CMTM8: variants seen among roughly 807,000 people sequenced by gnomAD.
CMTM8 encodes CKLF-like MARVEL transmembrane domain-containing protein 8.
In CMTM8, 12 loss-of-function variants were observed where a neutral mutation model predicts 18.6. The ratio of observed to expected loss-of-function variants is 0.65; its 90% CI spans 0.41 to 1.05. The LOEUF (loss-of-function observed/expected upper bound fraction) is 1.05, where lower values mean the gene tolerates loss of function less well. Ranked by LOEUF, CMTM8 falls within the 50% of genes least tolerant of loss-of-function variation. The pLI is 0.00. For missense variants in CMTM8, 217 were observed against 227.2 expected (o/e 0.95, Z 0.29); for synonymous variants, 87 against 90.6 (o/e 0.96, Z 0.23).
intron 1 of CMTM8, among the ~76,000 whole-genome samples, chr3:32,318,324 G>T (rs896577937): frequency 2.6e-5 from 4 of 151,936 alleles, no homozygotes; most frequent in African/African-American, 9.7e-5. Context: ...TTTTAACCAG[G>T]TCAGTGTGTT....
intron 1 of CMTM8, among the ~76,000 whole-genome samples, chr3:32,265,758 A>T (rs1316818368): frequency 6.6e-6 from 1 of 150,748 alleles, no homozygotes. Flanking sequence ...GCAATAAAAA[A>T]TGATAAAGAG....
chr3:32,256,266 C>T (rs1702173562), intron 1 of CMTM8, among the ~76,000 whole-genome samples: 2 of 152,110 alleles, frequency 1.3e-5, no homozygotes, highest in South Asian at 4.2e-4. Flanking sequence ...ATAGGAGTCT[C>T]ACTTTGTTGC....
At chr3:32,287,971 T>A (rs1702712218) in intron 1 of CMTM8, among the ~76,000 whole-genome samples, 4 of 151,516 alleles carry the variant, frequency 2.6e-5, no homozygotes, top group South Asian at 4.2e-4. Flanking sequence ...TTTATGGCTT[T>A]AAAAAAAAAG....
intron 2 of CMTM8, among the ~76,000 whole-genome samples, chr3:32,362,960 C>A (rs1050689529): frequency 6.6e-6 from 1 of 152,184 alleles, no homozygotes; most frequent in Non-Finnish European, 1.5e-5. Context: ...CGGGCACAGT[C>A]AATTTCTAAA....
At chr3:32,254,710 C>T (rs143597012) in intron 1 of CMTM8, among the ~76,000 whole-genome samples, 2 of 151,534 alleles carry the variant, frequency 1.3e-5, no homozygotes, top group African/African-American at 4.8e-5. Context: ...AGCCAACTTT[C>T]TCTGGATTAA....
At chr3:32,327,579 C>T (rs896927373) in intron 1 of CMTM8, among the ~76,000 whole-genome samples, 4 of 152,186 alleles carry the variant, frequency 2.6e-5, no homozygotes, top group African/African-American at 7.2e-5. Flanking sequence ...TTCTCAGTTG[C>T]AAAATACCAG....
At chr3:32,314,253 A>G (rs1209076079) in intron 1 of CMTM8, among the ~76,000 whole-genome samples, 1 of 152,158 alleles carries the variant, frequency 6.6e-6, no homozygotes, top group Non-Finnish European at 1.5e-5. Context: ...TTCTGTGGTT[A>G]TTATGACATG....
chr3:32,276,955 A>G (rs1702530905), intron 1 of CMTM8, among the ~76,000 whole-genome samples: 1 of 151,822 alleles, frequency 6.6e-6, no homozygotes, highest in Non-Finnish European at 1.5e-5. Context: ...CGGCACAATC[A>G]TAGTGCCCTG....
chr3:32,352,186 CA>C (rs1696722873), intron 1 of CMTM8, among the ~76,000 whole-genome samples: 1 of 10,756 alleles, frequency 9.3e-5, no homozygotes, highest in Non-Finnish European at 2.6e-4. Context: ...AAAAAAAACA[CA>C]CACACACACA....
chr3:32,280,495 G>A (rs571135780), intron 1 of CMTM8, among the ~76,000 whole-genome samples: 3 of 152,086 alleles, frequency 2.0e-5, no homozygotes, highest in Non-Finnish European at 4.4e-5. Flanking sequence ...ACTGGTCATG[G>A]GCCACTTCTT....
chr3:32,367,440 T>A (rs1022686926), intron 2 of CMTM8, among the ~76,000 whole-genome samples: 11 of 152,062 alleles, frequency 7.2e-5, no homozygotes, highest in Non-Finnish European at 1.6e-4. Context: ...TGGGCCTGTT[T>A]TGGGGGACAC....
chr3:32,363,450 C>T (rs142599012), intron 2 of CMTM8, among the ~76,000 whole-genome samples: 116 of 152,278 alleles, frequency 7.6e-4, no homozygotes, highest in African/African-American at 2.7e-3. Flanking sequence ...ATTCTGTTAG[C>T]CTAAACGTGG....
intron 2 of CMTM8, among the ~76,000 whole-genome samples, chr3:32,366,189 G>A (rs756102591): frequency 2.6e-5 from 4 of 152,150 alleles, no homozygotes; most frequent in African/African-American, 4.8e-5. Context: ...TGTGGGGGGC[G>A]CACAGAGGGA....
At chr3:32,327,232 T>C (rs752030841) in intron 1 of CMTM8, among the ~76,000 whole-genome samples, 4 of 152,226 alleles carry the variant, frequency 2.6e-5, no homozygotes, top group Non-Finnish European at 5.9e-5. Flanking sequence ...TAGGATTGTA[T>C]GCATTCTCTT....
At chr3:32,286,648 C>A (rs1281231908) in intron 1 of CMTM8, among the ~76,000 whole-genome samples, 1 of 152,152 alleles carries the variant, frequency 6.6e-6, no homozygotes, top group East Asian at 1.9e-4. Flanking sequence ...CAGCTCTAGG[C>A]AGCTTGCTGT....
intron 1 of CMTM8, among the ~76,000 whole-genome samples, chr3:32,243,590 G>A (rs1311671632): frequency 2.0e-5 from 3 of 151,172 alleles, no homozygotes. Context: ...GTGTATCCTC[G>A]GACACATTTT....
intron 1 of CMTM8, among the ~76,000 whole-genome samples, chr3:32,326,900 T>A (rs796803506): frequency 3.3e-4 from 51 of 152,290 alleles, no homozygotes; most frequent in African/African-American, 1.1e-3. Flanking sequence ...AATGAATCTC[T>A]CAACATGTCT....
intron 2 of CMTM8, among the ~76,000 whole-genome samples, chr3:32,360,359 C>T (rs1212040990): frequency 2.0e-5 from 3 of 152,226 alleles, no homozygotes; most frequent in Admixed American, 2.0e-4. Flanking sequence ...TCTTAGAATT[C>T]GTTTGCTGCT....
At chr3:32,259,203 G>A (rs1440437488) in intron 1 of CMTM8, 9 of 520,464 alleles carry the variant, frequency 1.7e-5, no homozygotes, top group South Asian at 6.9e-5. Flanking sequence ...AGGAGACCAC[G>A]CACAGCCTGA....
Sources: gnomAD v4.1 joint callset for allele counts (sites outside exome capture counted in the v4.1 genomes callset) on GRCh38, gnomAD v4.1.1 for gene constraint, MANE v1.5 for transcripts, NCBI Gene and HGNC (gene_info 2026-07-23, HGNC 2026-07-21) for gene names.